Variants in SRGAP2 observed in about 807,000 individuals in gnomAD.
The protein encoded by SRGAP2 is SLIT-ROBO Rho GTPase activating protein 2.
SRGAP2 carries 15 observed loss-of-function variants against 57.2 expected under a neutral mutation model. The observed-to-expected ratio is 0.26, with a 90% CI of 0.18 to 0.40. SRGAP2 has a LOEUF of 0.40. SRGAP2 is among the 10% of genes least tolerant of loss of function. The probability of loss-of-function intolerance (pLI) is 1.00; values close to 1 mark genes in which losing one functional copy is unlikely to be tolerated. For missense variants in SRGAP2, 520 were observed against 669.6 expected (o/e 0.78, Z 2.47); for synonymous variants, 249 against 248.0 (o/e 1.00, Z -0.04).
chr1:206,305,177 A>G (rs1290414566), intron 3 of SRGAP2, among the ~76,000 whole-genome samples: 1 of 90,604 alleles, frequency 1.1e-5, no homozygotes, highest in Non-Finnish European at 2.0e-5. Context: ...AGATCCCACA[A>G]CATAGCATGT....
intron 12 of SRGAP2, 60 bp downstream of exon 12, chr1:206,419,460 T>A: frequency 1.3e-6 from 1 of 779,864 alleles, no homozygotes. Flanking sequence ...AGAGCAATCT[T>A]ACTCTGGGAG....
chr1:206,442,421 A>G (rs1662386575), intron 17 of SRGAP2, among the ~76,000 whole-genome samples: 2 of 152,212 alleles, frequency 1.3e-5, no homozygotes, highest in African/African-American at 4.8e-5. Flanking sequence ...CCTGCCCTCA[A>G]CATGAGCCTC....
rs1378363589 is a variant in SRGAP2 at position 206,306,556 on chromosome 1, C to T, written c.260+3083C>T. 2.9e-3 allele frequency among the ~76,000 whole-genome samples: 445 copies of T among 152,176 alleles called. 1 individual carries two copies. The highest frequency in any genetic ancestry group is 0.01 in the African/African-American group (434 of 41,504). On this transcript the variant is annotated intron_variant, in intron 3 of 22. Coordinates refer to ENST00000573034, the MANE Select transcript of SRGAP2 (RefSeq NM_015326.5). ...TCCACCGTGTGGAAGGGGACCCGAG[C>T]GGGTTGCCAATGTTGGCTCGGGCAG...
At chr1:206,440,135 A>G (rs2103332582) in intron 17 of SRGAP2, 54 bp downstream of exon 17, 1 of 766,086 alleles carries the variant, frequency 1.3e-6, no homozygotes, top group Non-Finnish European at 2.4e-6. Flanking sequence ...GGGCACTGGA[A>G]GTTCCTCTAT....
intron 12 of SRGAP2, among the ~76,000 whole-genome samples, chr1:206,420,296 T>C (rs1328052936): frequency 6.6e-6 from 1 of 152,228 alleles, no homozygotes; most frequent in Non-Finnish European, 1.5e-5. Flanking sequence ...CCCATTAATA[T>C]ACCAGTCTTG....
intron 13 of SRGAP2, among the ~76,000 whole-genome samples, chr1:206,425,241 T>C (rs1217385907): frequency 6.6e-6 from 1 of 152,218 alleles, no homozygotes; most frequent in Admixed American, 6.5e-5. Flanking sequence ...TTTTTAATAA[T>C]TTATATTAAT....
chr1:206,325,714 T>C (rs1384913668), intron 3 of SRGAP2, among the ~76,000 whole-genome samples: 3 of 152,022 alleles, frequency 2.0e-5, no homozygotes, highest in Non-Finnish European at 4.4e-5. Flanking sequence ...TGGTGACCTA[T>C]AAGTTGATTT....
chr1:206,384,494 T>C (rs548559520), intron 5 of SRGAP2, among the ~76,000 whole-genome samples: 237 of 151,980 alleles, frequency 1.6e-3, no homozygotes, highest in African/African-American at 5.3e-3. Context: ...CTTGGATTGA[T>C]GTATGGCTTT....
At chr1:206,265,834 C>G (rs1436625886) in intron 2 of SRGAP2, among the ~76,000 whole-genome samples, 1 of 146,046 alleles carries the variant, frequency 6.8e-6, no homozygotes, top group African/African-American at 2.5e-5. Context: ...AATTTTTAAA[C>G]CTAGGTTTTG....
chr1:206,327,206 A>T (rs1206082954), intron 3 of SRGAP2, among the ~76,000 whole-genome samples: 4 of 151,858 alleles, frequency 2.6e-5, no homozygotes, highest in African/African-American at 9.7e-5. Flanking sequence ...ACATGCCTGT[A>T]ATCCCAGCTA....
intron 2 of SRGAP2, among the ~76,000 whole-genome samples, chr1:206,283,693 ACTT>A (rs1670865228): frequency 6.6e-6 from 1 of 151,156 alleles, no homozygotes; most frequent in African/African-American, 2.4e-5. Context: ...AAAAAAATGA[ACTT>A]CTTTCAGAGT....
At chr1:206,277,988 AAG>A in intron 2 of SRGAP2, among the ~76,000 whole-genome samples, 1 of 152,006 alleles carries the variant, frequency 6.6e-6, no homozygotes, top group East Asian at 1.9e-4. Context: ...AAAAAAAAAA[AAG>A]AGAATAAAAT....
intron 18 of SRGAP2, among the ~76,000 whole-genome samples, chr1:206,449,386 G>A (rs1663062247): frequency 6.7e-6 from 1 of 149,296 alleles, no homozygotes; most frequent in African/African-American, 2.5e-5. Context: ...CGACTTCCCA[G>A]GCTTAACCAA....
At chr1:206,356,171 AAAG>A (rs1676423076) in intron 4 of SRGAP2, among the ~76,000 whole-genome samples, 1 of 132,108 alleles carries the variant, frequency 7.6e-6, no homozygotes, top group African/African-American at 2.9e-5. Context: ...TTTTTTAAAA[AAAG>A]CATAATTCTA....
At chr1:206,291,699 A>G (rs1243666222) in intron 2 of SRGAP2, among the ~76,000 whole-genome samples, 24 of 149,978 alleles carry the variant, frequency 1.6e-4, no homozygotes, top group Middle Eastern at 6.4e-3. Flanking sequence ...TAAATGGGAT[A>G]TGTGATTACT....
chr1:206,357,135 T>A (rs1240321135), intron 4 of SRGAP2, among the ~76,000 whole-genome samples: 2 of 146,044 alleles, frequency 1.4e-5, no homozygotes, highest in African/African-American at 5.5e-5. Context: ...AGAAGTAACA[T>A]CTTCTATTTT....
At chr1:206,306,468 GCAGCGTGGA>G (rs1672206909) in intron 3 of SRGAP2, among the ~76,000 whole-genome samples, 1 of 152,156 alleles carries the variant, frequency 6.6e-6, no homozygotes. Context: ...GCTCATAAAA[GCAGCGTGGA>G]CCCAAAAAGT....
rs781836125 is a variant in SRGAP2 at position 206,458,715 on chromosome 1, C to T, written c.2600C>T (p.Pro867Leu). 3.8e-6 allele frequency: 3 copies of T among 780,154 alleles called. No homozygotes were observed. The highest frequency in any genetic ancestry group is 1.7e-5 in the African/African-American group (1 of 59,134). 48.3% of individuals were successfully genotyped at this position (780,154 alleles called of 1,614,324 possible). ...LSSSLTDSSS[P>L]GVGASCRPSS... is the part of the protein sequence containing the mutation. ...AGTTCCCTGACTGACTCCTCCTCCC[C>T]AGGGGTGGGGGCTAGCTGCCGCCCA... The change falls in exon 22 of 23, where the codon CCA becomes CTA. Residue 867 changes from proline to leucine, a missense_variant. Pro to Leu is a moderately conservative substitution (Grantham distance 98). Around this residue, in one of 5 missense-constraint regions of SRGAP2, gnomAD observed 478 missense variants for 373.6 expected, o/e 1.28. Coordinates refer to ENST00000573034, the MANE Select transcript of SRGAP2 (RefSeq NM_015326.5).
At chr1:206,414,922 T>G (rs1477427289) in intron 10 of SRGAP2, among the ~76,000 whole-genome samples, 1 of 152,240 alleles carries the variant, frequency 6.6e-6, no homozygotes, top group Non-Finnish European at 1.5e-5. Flanking sequence ...TCTGCTTCTC[T>G]CCTTCTCCTG....
Sources: allele counts gnomAD v4.1 joint callset (sites outside exome capture counted in the v4.1 genomes callset), GRCh38; gene constraint gnomAD v4.1.1; regional missense constraint gnomAD v4.1.1; transcripts MANE v1.5; gene names NCBI Gene and HGNC (gene_info 2026-07-23, HGNC 2026-07-21).